Variants in NCKAP5 observed in about 807,000 individuals in gnomAD.
NCKAP5 encodes nck-associated protein 5.
A neutral mutation model predicts 167.0 loss-of-function variants in NCKAP5; 92 were observed. The observed-to-expected ratio is 0.55, with a 90% CI of 0.47 to 0.66. NCKAP5 has a LOEUF of 0.66. Among genes scored for constraint, NCKAP5 ranks in the 30% least tolerant of loss-of-function variants. The pLI is 0.00. For synonymous variants in NCKAP5, 891 were observed against 877.4 expected (o/e 1.02, Z -0.27); for missense variants, 2,378 against 2,315.0 (o/e 1.03, Z -0.56).
At chr2:133,099,326 T>C (rs553865886) in intron 6 of NCKAP5, among the ~76,000 whole-genome samples, 56 of 152,348 alleles carry the variant, frequency 3.7e-4, no homozygotes, top group Admixed American at 7.8e-4. Flanking sequence ...CTGAATTTGA[T>C]TATTTTTTTT....
rs566719697 is a variant in NCKAP5, at chr2:132,768,637, CTTTT to C, written c.5128+5175_5128+5178del. ...ATAGAGCAGGTTTAGTTAATAATAT[CTTTT>C]TTTTTTTTTTTTTTTTGAGACGGAG... On this transcript the variant is annotated intron_variant, in intron 16 of 19. Coordinates refer to ENST00000409261, the MANE Select transcript of NCKAP5 (RefSeq NM_207363.3). Among the ~76,000 whole-genome samples the C allele has an allele frequency of 8.6e-3, 1,075 of 124,566 alleles. 6 individuals are homozygous for C. Among genetic ancestry groups the C allele is most frequent in the Non-Finnish European group, 0.011 (698 of 60,712 alleles). 81.7% of individuals were successfully genotyped at this position (124,566 alleles called of 152,430 possible).
chr2:132,884,619 A>G (rs1050018767), intron 8 of NCKAP5, among the ~76,000 whole-genome samples: 2 of 152,222 alleles, frequency 1.3e-5, no homozygotes, highest in African/African-American at 2.4e-5. Context: ...ATCACGGAGG[A>G]AAATGCTAGA....
At chr2:133,589,225 G>A in the NCKAP5 span, among the ~76,000 whole-genome samples, 1 of 152,188 alleles carries the variant, frequency 6.6e-6, no homozygotes, top group Non-Finnish European at 1.5e-5. Flanking sequence ...TAGCAGTGGA[G>A]GTGTCAGGAT....
intron 19 of NCKAP5, among the ~76,000 whole-genome samples, chr2:132,723,019 T>C (rs554240002): frequency 4.0e-4 from 61 of 152,044 alleles, no homozygotes; most frequent in African/African-American, 1.4e-3. Flanking sequence ...TAAAGACAGG[T>C]TCTCACTATG....
chr2:133,544,485 A>T (rs1052697819), intron 2 of NCKAP5, among the ~76,000 whole-genome samples: 14 of 152,324 alleles, frequency 9.2e-5, no homozygotes, highest in African/African-American at 3.1e-4. Context: ...TCCCCACTTA[A>T]TAATATGTCA....
chr2:132,697,720 T>G (rs951738723), intron 19 of NCKAP5, among the ~76,000 whole-genome samples: 26 of 152,214 alleles, frequency 1.7e-4, no homozygotes, highest in African/African-American at 6.0e-4. Flanking sequence ...AAATGAATTT[T>G]CTTTCAAATA....
chr2:133,374,811 G>A lies in NCKAP5; in HGVS notation c.70-71701C>T, dbSNP rs562946986. Among the ~76,000 whole-genome samples, 6 of 152,248 alleles carry A rather than the reference G, an allele frequency of 3.9e-5. No individual in the cohort carries two copies. The East Asian group carries it at 5.8e-4, about 15-fold the overall frequency. On this transcript the variant is annotated intron_variant, in intron 3 of 19. Coordinates refer to ENST00000409261, the MANE Select transcript of NCKAP5 (RefSeq NM_207363.3). ...GCTGTTGGTCTTCAGAGAAAGGAGCGGCATCTTCAAAGTATAGTAAAAGCC... is the reference window on the plus strand; with the variant it reads ...GCTGTTGGTCTTCAGAGAAAGGAGCAGCATCTTCAAAGTATAGTAAAAGCC...
chr2:133,275,212 T>C (rs1671595561), intron 4 of NCKAP5, among the ~76,000 whole-genome samples: 1 of 152,102 alleles, frequency 6.6e-6, no homozygotes, highest in African/African-American at 2.4e-5. Context: ...TGAGGTAGCA[T>C]TTCATGCCTA....
At chr2:133,338,691 A>G (rs1156821184) in intron 3 of NCKAP5, among the ~76,000 whole-genome samples, 3 of 152,140 alleles carry the variant, frequency 2.0e-5, no homozygotes, top group Admixed American at 6.6e-5. Context: ...AGAATGTGCT[A>G]TGACATATAT....
chr2:133,371,457 T>C (rs1302249935), intron 3 of NCKAP5, among the ~76,000 whole-genome samples: 7 of 152,168 alleles, frequency 4.6e-5, no homozygotes, highest in Non-Finnish European at 1.5e-5. Flanking sequence ...TGAAATAACA[T>C]AACTCATGGT....
intron 6 of NCKAP5, among the ~76,000 whole-genome samples, chr2:133,126,415 A>G (rs1206848701): frequency 6.6e-6 from 1 of 152,240 alleles, no homozygotes; most frequent in Non-Finnish European, 1.5e-5. Context: ...AATCTGAAGT[A>G]GAATGGTTGC....
At chr2:133,589,968 G>A in the NCKAP5 span, among the ~76,000 whole-genome samples, 1 of 152,138 alleles carries the variant, frequency 6.6e-6, no homozygotes, top group African/African-American at 2.4e-5. Context: ...GGACAGAAAA[G>A]AACATCAATG....
intron 4 of NCKAP5, among the ~76,000 whole-genome samples, chr2:133,284,175 G>A (rs1252458375): frequency 6.9e-6 from 1 of 144,944 alleles, no homozygotes; most frequent in Non-Finnish European, 1.5e-5. Flanking sequence ...ATATATATAT[G>A]ATTGTATATA....
At chr2:133,242,139 A>G (rs1373173389) in intron 4 of NCKAP5, among the ~76,000 whole-genome samples, 118 of 151,244 alleles carry the variant, frequency 7.8e-4, no homozygotes, top group African/African-American at 2.8e-3. Flanking sequence ...AAAAAAAAAA[A>G]AAGCAAAAAT....
At chr2:133,303,012 A>C in intron 4 of NCKAP5, 25 bp downstream of exon 4, 1 of 1,556,198 alleles carries the variant, frequency 6.4e-7, no homozygotes, top group Non-Finnish European at 8.8e-7. Flanking sequence ...CTGAGCAAGC[A>C]AATAAGAACA....
the NCKAP5 span, among the ~76,000 whole-genome samples, chr2:133,664,451 A>G: frequency 2.0e-5 from 3 of 152,132 alleles, no homozygotes; most frequent in Non-Finnish European, 2.9e-5. Context: ...CCTAGATGAT[A>G]TCTTCTTCCA....
intron 6 of NCKAP5, among the ~76,000 whole-genome samples, chr2:133,111,017 A>T (rs1038782185): frequency 4.6e-5 from 7 of 152,110 alleles, no homozygotes; most frequent in African/African-American, 1.7e-4. Context: ...AGGCACCATC[A>T]GTCTTATCCG....
chr2:133,514,374 C>A (rs1044554794), intron 3 of NCKAP5, among the ~76,000 whole-genome samples: 1 of 152,072 alleles, frequency 6.6e-6, no homozygotes, highest in Non-Finnish European at 1.5e-5. Context: ...ACACTCAAAC[C>A]CTCCCCCATG....
At chr2:132,765,460 G>A (rs1036917735) in intron 16 of NCKAP5, among the ~76,000 whole-genome samples, 5 of 151,866 alleles carry the variant, frequency 3.3e-5, no homozygotes, top group African/African-American at 7.3e-5. Flanking sequence ...GACTACAGGC[G>A]CGTGGCACCA....
Sources: allele counts gnomAD v4.1 joint callset (sites outside exome capture counted in the v4.1 genomes callset), GRCh38; gene constraint gnomAD v4.1.1; transcripts MANE v1.5; gene names NCBI Gene and HGNC (gene_info 2026-07-23, HGNC 2026-07-21).